BCKDHB: variants seen among roughly 807,000 people sequenced by gnomAD.
BCKDHB encodes branched chain keto acid dehydrogenase E1 subunit beta.
Under a neutral mutation model 48.5 loss-of-function variants are expected in BCKDHB, and 41 were observed. The ratio of observed to expected loss-of-function variants is 0.85; its 90% CI spans 0.66 to 1.10. BCKDHB has a LOEUF of 1.10. Among genes scored for constraint, BCKDHB ranks in the 50% least tolerant of loss-of-function variants. BCKDHB has a pLI of 0.00. For synonymous variants in BCKDHB, 201 were observed against 174.8 expected, an observed-to-expected ratio of 1.15 and a Z score of -1.18; for missense variants, 496 against 494.2, an observed-to-expected ratio of 1.00 and a Z score of -0.03.
the BCKDHB span, among the ~76,000 whole-genome samples, chr6:80,425,556 T>C: frequency 1.3e-5 from 2 of 152,204 alleles, no homozygotes; most frequent in Non-Finnish European, 2.9e-5. Context: ...AACGGAAAGA[T>C]CTAAAATAGC....
chr6:80,172,121 T>A (rs1325304551), intron 6 of BCKDHB, among the ~76,000 whole-genome samples: 1 of 152,118 alleles, frequency 6.6e-6, no homozygotes, highest in Non-Finnish European at 1.5e-5. Flanking sequence ...ACTGCATATG[T>A]TCTTTTGTGT....
At position 80,129,150 on chromosome 6, in the gene BCKDHB, C is replaced by G; in HGVS notation, c.275-11C>G. ...TTAAATAAAATGTATTATTTAAATACTGTTTTTCAGTAATATTTGGTGAAG... is the reference window on the plus strand; with the variant it reads ...TTAAATAAAATGTATTATTTAAATAGTGTTTTTCAGTAATATTTGGTGAAG... On this transcript the variant is annotated splice_polypyrimidine_tract_variant and intron_variant, in intron 2 of 9. Coordinates refer to ENST00000320393, the MANE Select transcript of BCKDHB (RefSeq NM_183050.4). The G allele has an allele frequency of 1.3e-6, 2 of 1,584,632 alleles. No individual in the cohort carries two copies. Among genetic ancestry groups the G allele is most frequent in the Non-Finnish European group, 8.7e-7 (1 of 1,156,030 alleles).
At chr6:80,349,650 A>G (rs185180224), downstream of BCKDHB, among the ~76,000 whole-genome samples, 86 of 152,364 alleles carry the variant, frequency 5.6e-4, no homozygotes, top group Non-Finnish European at 1.1e-3. Context: ...GAAAACAAAT[A>G]TGGCATAATT....
At chr6:80,446,470 G>A in the BCKDHB span, among the ~76,000 whole-genome samples, 1 of 152,170 alleles carries the variant, frequency 6.6e-6, no homozygotes, top group African/African-American at 2.4e-5. Context: ...GCTCCACTTA[G>A]GAGAACTGCT....
chr6:80,217,795 G>A (rs1775240743), intron 8 of BCKDHB, among the ~76,000 whole-genome samples: 1 of 152,132 alleles, frequency 6.6e-6, no homozygotes, highest in Non-Finnish European at 1.5e-5. Context: ...AAAAATAACA[G>A]GGTTTATGGA....
At chr6:80,187,398 G>A (rs955703376) in intron 6 of BCKDHB, among the ~76,000 whole-genome samples, 1 of 151,866 alleles carries the variant, frequency 6.6e-6, no homozygotes, top group East Asian at 1.9e-4. Context: ...TTAGAATGTT[G>A]GGGGCATGAG....
chr6:80,343,977 T>G lies in BCKDHB; in HGVS notation c.*173T>G. 2.6e-6 allele frequency: 2 copies of G among 756,022 alleles called. No homozygotes were observed. Among genetic ancestry groups the G allele is most frequent in the Non-Finnish European group, 4.3e-6 (2 of 461,378 alleles). 46.8% of individuals were successfully genotyped at this position (756,022 alleles called of 1,614,324 possible). A position where few individuals can be genotyped will look rare whatever the true frequency, so the allele number is the denominator to read the frequency against. The stretch of plus-strand genomic sequence containing the variant: ...ATGTGCTTTAGAAAAAAAATTCAAA[T>G]TTATAGTAGTATATTTACATTTTTG... On this transcript the variant is annotated 3_prime_UTR_variant, in exon 10 of 10. Coordinates refer to ENST00000320393, the MANE Select transcript of BCKDHB (RefSeq NM_183050.4).
chr6:80,261,978 CA>C (rs1188188946), intron 8 of BCKDHB, among the ~76,000 whole-genome samples: 1 of 152,150 alleles, frequency 6.6e-6, no homozygotes, highest in Non-Finnish European at 1.5e-5. Context: ...ATTCTGCTCT[CA>C]ATTTGTTTGC....
intron 3 of BCKDHB, among the ~76,000 whole-genome samples, chr6:80,151,433 GT>G (rs1392449063): frequency 7.1e-6 from 1 of 140,674 alleles, no homozygotes; most frequent in African/African-American, 2.6e-5. Flanking sequence ...TTTTTTTTTT[GT>G]TTTTTTGTTT....
chr6:80,347,147 G>A (rs1274584758), downstream of BCKDHB, among the ~76,000 whole-genome samples: 2 of 152,130 alleles, frequency 1.3e-5, no homozygotes, highest in African/African-American at 2.4e-5. Flanking sequence ...CAGAAACTTG[G>A]AGGCAAAGTA....
intron 7 of BCKDHB, 97 bp downstream of exon 7, chr6:80,201,128 T>A: frequency 2.0e-6 from 2 of 1,024,922 alleles, no homozygotes; most frequent in Non-Finnish European, 1.5e-6. Flanking sequence ...GATGTTTTCT[T>A]TATATCTCAG....
chr6:80,232,132 AGG>A (rs1257907760), intron 8 of BCKDHB, among the ~76,000 whole-genome samples: 15 of 152,242 alleles, frequency 9.9e-5, no homozygotes, highest in Non-Finnish European at 1.8e-4. Flanking sequence ...ATTAAAGTAT[AGG>A]GATATTTCCT....
the BCKDHB span, among the ~76,000 whole-genome samples, chr6:80,407,406 A>C: frequency 6.6e-6 from 1 of 152,148 alleles, no homozygotes; most frequent in East Asian, 1.9e-4. Flanking sequence ...AGTCATTGGT[A>C]GCTTGATGGG....
intron 3 of BCKDHB, among the ~76,000 whole-genome samples, chr6:80,145,037 C>T (rs932417619): frequency 1.3e-5 from 2 of 152,124 alleles, no homozygotes; most frequent in African/African-American, 4.8e-5. Flanking sequence ...CATAACGTAT[C>T]AGGATTTTCT....
intron 6 of BCKDHB, among the ~76,000 whole-genome samples, chr6:80,187,310 A>G (rs1773686905): frequency 6.6e-6 from 1 of 152,212 alleles, no homozygotes; most frequent in African/African-American, 2.4e-5. Context: ...TGGTGTTATT[A>G]AAAGTTGTTG....
chr6:80,114,965 C>G (rs191311095), intron 1 of BCKDHB, among the ~76,000 whole-genome samples: 1 of 152,226 alleles, frequency 6.6e-6, no homozygotes, highest in African/African-American at 2.4e-5. Flanking sequence ...GATGGGGCAA[C>G]CCAGGGACTC....
chr6:80,395,136 A>G, the BCKDHB span, among the ~76,000 whole-genome samples: 1 of 152,178 alleles, frequency 6.6e-6, no homozygotes, highest in Admixed American at 6.6e-5. Context: ...AATACAGTAA[A>G]TTGGCACCAG....
chr6:80,106,895 C>T lies in BCKDHB; in HGVS notation c.196+6C>T, dbSNP rs759818891. The T allele has an allele frequency of 1.9e-6, 3 of 1,600,898 alleles. No individual in the cohort carries two copies. The highest frequency in any genetic ancestry group is 1.7e-5 in the Admixed American group (1 of 58,740). ...TCCGGAGCCCCGGGAGTACGGTGAG[C>T]CCTGGGACTGCCCACTCGGTCCCGC... On this transcript the variant is annotated splice_donor_region_variant and intron_variant, in intron 1 of 9. Transcript: ENST00000320393.
At chr6:80,213,135 A>T (rs940197409) in intron 8 of BCKDHB, among the ~76,000 whole-genome samples, 2 of 152,212 alleles carry the variant, frequency 1.3e-5, no homozygotes, top group Non-Finnish European at 2.9e-5. Flanking sequence ...AATGTTTTCA[A>T]TTTGGTGCTT....
Sources: gnomAD v4.1 joint callset for allele counts (sites outside exome capture counted in the v4.1 genomes callset) on GRCh38, gnomAD v4.1.1 for gene constraint, MANE v1.5 for transcripts, NCBI Gene and HGNC (gene_info 2026-07-23, HGNC 2026-07-21) for gene names.